Variants in HSPA9 observed in about 807,000 individuals in gnomAD.
The protein encoded by HSPA9 is heat shock protein family A (Hsp70) member 9, also known as stress-70 protein, mitochondrial.
In HSPA9, 28 loss-of-function variants were observed where a neutral mutation model predicts 81.5. The ratio of observed to expected loss-of-function variants is 0.34; its 90% CI spans 0.25 to 0.47. HSPA9 has a LOEUF of 0.47. Among genes scored for constraint, HSPA9 ranks in the 20% least tolerant of loss-of-function variants. HSPA9 has a pLI of 1.00. For synonymous variants in HSPA9, 293 were observed against 290.4 expected (o/e 1.01, Z -0.09); for missense variants, 678 against 838.0 (o/e 0.81, Z 2.36).
chr5:138,569,505 T>C (rs1750833131), intron 4 of HSPA9, among the ~76,000 whole-genome samples: 1 of 152,128 alleles, frequency 6.6e-6, no homozygotes, highest in Non-Finnish European at 1.5e-5. Context: ...ACTTGACAAA[T>C]GGATAAACAA....
At chr5:138,558,517 A>G in intron 12 of HSPA9, 36 bp downstream of exon 12, 1 of 1,254,958 alleles carries the variant, frequency 8.0e-7, no homozygotes, top group African/African-American at 1.5e-5. Context: ...CTTTACAGTG[A>G]AGGAGGCATA....
chr5:138,569,715 A>G (rs1229157313), intron 4 of HSPA9, among the ~76,000 whole-genome samples: 1 of 152,004 alleles, frequency 6.6e-6, no homozygotes, highest in African/African-American at 2.4e-5. Context: ...AAAAATATTT[A>G]GTTTATATAT....
At chr5:138,561,952 T>TG (rs1345875209) in intron 9 of HSPA9, among the ~76,000 whole-genome samples, 163 bp from the exon 10 acceptor site, 1 of 151,966 alleles carries the variant, frequency 6.6e-6, no homozygotes, top group Non-Finnish European at 1.5e-5. Flanking sequence ...TACTTTTTTT[T>TG]TTTTTGAGAC....
rs536402943 is a variant in HSPA9 at position 138,567,300 on chromosome 5, C to A, written c.717-137G>T. 4.2e-4 allele frequency: 413 copies of A among 988,934 alleles called. 1 individual carries two copies. Among genetic ancestry groups the A allele is most frequent in the South Asian group, 9.9e-4 (69 of 69,538 alleles). The allele number at this position is 988,934 out of a possible 1,614,324, so 61.3% of individuals were successfully genotyped here. A position where few individuals can be genotyped will look rare whatever the true frequency, so the allele number is the denominator to read the frequency against. ...ATATGTACTAGTTAAATTACCATGG[C>A]CCAAAAGAAAAGAAAAGAATGGTTT... is the stretch of plus-strand genomic sequence containing the variant. On this transcript the variant is annotated intron_variant, in intron 7 of 16. Transcript: ENST00000297185.
chr5:138,557,163 C>T, intron 14 of HSPA9: 1 of 610,826 alleles, frequency 1.6e-6, no homozygotes, highest in Non-Finnish European at 2.9e-6. Flanking sequence ...TTACCCACAA[C>T]CTATGACATG....
At chr5:138,568,098 T>C (rs554644746) in intron 5 of HSPA9, among the ~76,000 whole-genome samples, 1 of 151,374 alleles carries the variant, frequency 6.6e-6, no homozygotes, top group Non-Finnish European at 1.5e-5. Context: ...GGCGGGAGAA[T>C]TGTTTGAACC....
At chr5:138,568,394 TG>T (rs1044476116) in intron 5 of HSPA9, among the ~76,000 whole-genome samples, 11 of 150,756 alleles carry the variant, frequency 7.3e-5, no homozygotes, top group Non-Finnish European at 1.3e-4. Flanking sequence ...CCAGCTACGT[TG>T]GGGGGGAGGG....
At chr5:138,575,011 A>G in intron 1 of HSPA9, 1 of 596,048 alleles carries the variant, frequency 1.7e-6, no homozygotes, top group Non-Finnish European at 3.0e-6. Flanking sequence ...TTTTGAAATG[A>G]CACTCTAGAT....
intron 11 of HSPA9, chr5:138,559,102 ATT>A (rs34616432): frequency 7.4e-3 from 1,298 of 175,596 alleles, no homozygotes; most frequent in South Asian, 0.019. Context: ...TCAGGAAATA[ATT>A]TTTTTTTTTT....
chr5:138,570,101 C>T lies in HSPA9; in HGVS notation c.410+859G>A, dbSNP rs574942154. Among the ~76,000 whole-genome samples, 4 of 152,152 alleles carry T rather than the reference C, an allele frequency of 2.6e-5. No individual in the cohort carries two copies. The South Asian group carries it at 8.3e-4, about 32-fold the overall frequency. ...CCAAGTTGTCCAGGCTGGTCTCGAA[C>T]TCCTGAGCTCACCTCAGCCTCCCAA... On this transcript the variant is annotated intron_variant, in intron 4 of 16. Transcript: ENST00000297185.
chr5:138,556,496 G>A lies in HSPA9; in HGVS notation c.1918C>T (p.Leu640Phe), dbSNP rs769133917. 1.9e-6 allele frequency: 3 copies of A among 1,614,060 alleles called. No individual in the cohort carries two copies. Among genetic ancestry groups the A allele is most frequent in the Non-Finnish European group, 2.5e-6 (3 of 1,180,002 alleles). Reference sequence around the variant, plus strand: ...AACAGCTTCAGTGATGCCTGCTGAAGAGAGGATGCTGCCTGTCTAATATTT... The same window carrying A: ...AACAGCTTCAGTGATGCCTGCTGAAAAGAGGATGCTGCCTGTCTAATATTT... ...GENIRQAASS[L>F]QQASLKLFEM... The change falls in exon 16 of 17, where the codon CTT (leucine) becomes TTT (phenylalanine). Residue 640 changes from leucine (L) to phenylalanine (F), a missense_variant. Coordinates refer to ENST00000297185, the MANE Select transcript of HSPA9 (RefSeq NM_004134.7).
In HSPA9 at chr5:138,566,779, A is replaced by T; in HGVS notation, c.880-61T>A. On this transcript the variant is annotated intron_variant, in intron 8 of 16. Coordinates refer to ENST00000297185, the MANE Select transcript of HSPA9 (RefSeq NM_004134.7). The stretch of plus-strand genomic sequence containing the variant: ...ATTAGTGAGGTGATAAATAAACTGC[A>T]GTAATAAGGTGGAACAACACAAAAT... 5.3e-6 allele frequency: 7 copies of T among 1,327,732 alleles called. No individual in the cohort carries two copies. The South Asian group carries it at 8.2e-5, about 16-fold the overall frequency. 82.2% of individuals were successfully genotyped at this position (1,327,732 alleles called of 1,614,324 possible).
Position 138,570,982 on chromosome 5 carries a change from C to T in HSPA9, c.388G>A (p.Asp130Asn), listed in dbSNP as rs771278536. ...CACATGTCTTTCTGTACTTCAGGATCATCATATCGCCGGCCAATGAGACGC... is the reference window on the plus strand; with the variant it reads ...CACATGTCTTTCTGTACTTCAGGATTATCATATCGCCGGCCAATGAGACGC... ...TKRLIGRRYD[D>N]PEVQKDIKNV... Residue 130 changes from aspartate to asparagine, a missense_variant, in exon 4 of 17, where the codon GAT becomes AAT. Asp to Asn is a conservative substitution (Grantham distance 23, BLOSUM62 1). This residue lies in a region of HSPA9 where 484 missense variants were observed against 647.5 expected (regional missense o/e 0.75). Coordinates refer to ENST00000297185, the MANE Select transcript of HSPA9 (RefSeq NM_004134.7). The T allele has an allele frequency of 1.9e-6, 3 of 1,614,008 alleles. No individual in the cohort carries two copies. The African/African-American group carries it at 4.0e-5, about 22-fold the overall frequency.
At chr5:138,574,199 A>T in intron 1 of HSPA9, 73 bp from the exon 2 acceptor site, 1 of 1,031,250 alleles carries the variant, frequency 9.7e-7, no homozygotes, top group South Asian at 1.3e-5. Flanking sequence ...ACTTGGGCTC[A>T]CTTAGTATAT....
chr5:138,561,549 C>G, intron 10 of HSPA9, 31 bp downstream of exon 10: 1 of 1,579,886 alleles, frequency 6.3e-7, no homozygotes, highest in Non-Finnish European at 8.7e-7. Context: ...CCAGCCCTCT[C>G]TCTCCACGAC....
chr5:138,560,907 CAT>C (rs1491308584), intron 10 of HSPA9: 11 of 358,260 alleles, frequency 3.1e-5, no homozygotes, highest in South Asian at 2.2e-4. Flanking sequence ...TTTCCAGGTT[CAT>C]TTTTTTTTTT....
At position 138,571,013 on chromosome 5, in the gene HSPA9, A is replaced by G; in HGVS notation, c.357T>C (p.Ala119=). The change falls in exon 4 of 17, where the codon GCT becomes GCC. Residue 119 remains alanine, a synonymous_variant. Coordinates refer to ENST00000297185, the MANE Select transcript of HSPA9 (RefSeq NM_004134.7). ...ATCGCCGGCCAATGAGACGCTTGGT[A>G]GCATAAAATGTATTGTTTGGGTTGG... The part of the protein sequence containing the change: ...AVTNPNNTFY[A]TKRLIGRRYD... 6.2e-7 allele frequency: 1 copy of G among 1,614,140 alleles called. No homozygotes were observed. The highest frequency in any genetic ancestry group is 8.5e-7 in the Non-Finnish European group (1 of 1,180,026).
At chr5:138,561,225 A>G (rs1750652855) in intron 10 of HSPA9, 15 of 370,598 alleles carry the variant, frequency 4.0e-5, no homozygotes, top group South Asian at 3.0e-4. Flanking sequence ...CTTTGTTTCA[A>G]TCCTAAAAAT....
At chr5:138,559,671 G>A in intron 11 of HSPA9, 193 bp downstream of exon 11, 1 of 584,462 alleles carries the variant, frequency 1.7e-6, no homozygotes, top group Non-Finnish European at 3.1e-6. Context: ...TAACATGTAA[G>A]AACTTTTCTG....
Sources: gnomAD v4.1 joint callset for allele counts (sites outside exome capture counted in the v4.1 genomes callset) on GRCh38, gnomAD v4.1.1 for gene constraint, gnomAD v4.1.1 regional missense constraint, MANE v1.5 for transcripts, NCBI Gene and HGNC (gene_info 2026-07-23, HGNC 2026-07-21) for gene names.